The following DIAPH2 variants were observed in gnomAD, a reference collection of about 807,000 sequenced individuals.
DIAPH2 encodes protein diaphanous homolog 2.
A neutral mutation model predicts 92.7 loss-of-function variants in DIAPH2; 35 were observed. That is an observed-to-expected ratio of 0.38 (90% CI 0.29 to 0.50). The LOEUF is 0.50. Ranked by LOEUF, DIAPH2 falls within the 20% of genes least tolerant of loss-of-function variation. DIAPH2 has a pLI of 0.94. For missense variants in DIAPH2, 701 were observed against 819.5 expected, an observed-to-expected ratio of 0.86 and a Z score of 1.77; for synonymous variants, 301 against 280.4, an observed-to-expected ratio of 1.07 and a Z score of -0.73.
rs185258650 is a variant in DIAPH2 at position 97,207,141 on chromosome X, G to T, written c.2720-40574G>T. On this transcript the variant is annotated intron_variant, in intron 22 of 26. Coordinates refer to ENST00000324765, the MANE Select transcript of DIAPH2 (RefSeq NM_006729.5). ...TTGTCATGCTAACAGTATCTTTATT[G>T]TTGTTTTTGGCTAAATTAATAGCTA... 3.6e-5 allele frequency among the ~76,000 whole-genome samples: 4 copies of T among 111,177 alleles called. No homozygotes were observed. In the Admixed American group the frequency reaches 3.9e-4, roughly 11 times the overall value.
chrX:97,052,510 A>G (rs2066527294), intron 17 of DIAPH2, among the ~76,000 whole-genome samples: 1 of 110,828 alleles, frequency 9.0e-6, no homozygotes, highest in South Asian at 3.8e-4. Flanking sequence ...TTCAGACTTT[A>G]ATTGTTAAGA....
intron 24 of DIAPH2, among the ~76,000 whole-genome samples, chrX:97,350,655 C>G (rs1309298798): frequency 8.9e-6 from 1 of 112,152 alleles, no homozygotes; most frequent in Non-Finnish European, 1.9e-5. Context: ...TTGAGTAAGT[C>G]ATTTGTCCTT....
rs146946935 is a variant in DIAPH2 at position 97,354,894 on chromosome X, T to C, written c.3009+6614T>C. ...TGTCTCTCAGAACAAAGAGAAACTT[T>C]GGAAGCACCATATGAAAATTCAAAA... On this transcript the variant is annotated intron_variant, in intron 24 of 26. Transcript: ENST00000324765. 2.0e-4 allele frequency among the ~76,000 whole-genome samples: 22 copies of C among 112,327 alleles called. No individual in the cohort carries two copies. In the East Asian group the frequency reaches 5.9e-3, roughly 30 times the overall value.
chrX:97,159,320 G>A (rs2067347815), intron 22 of DIAPH2, among the ~76,000 whole-genome samples: 1 of 112,123 alleles, frequency 8.9e-6, no homozygotes, highest in Admixed American at 9.5e-5. Context: ...TACTTCTTAT[G>A]TTATGAAATA....
chrX:97,217,191 T>C (rs2067890293), intron 22 of DIAPH2, among the ~76,000 whole-genome samples: 1 of 111,851 alleles, frequency 8.9e-6, no homozygotes. Context: ...TGTGCCACTC[T>C]TGTGTTTATC....
intron 26 of DIAPH2, among the ~76,000 whole-genome samples, chrX:97,492,977 T>C (rs1459781892): frequency 8.9e-6 from 1 of 112,603 alleles, no homozygotes; most frequent in African/African-American, 3.2e-5. Flanking sequence ...TTATATAAGC[T>C]TTTTCCCCTG....
chrX:97,377,446 G>T (rs1163519532), intron 24 of DIAPH2, among the ~76,000 whole-genome samples: 3 of 111,862 alleles, frequency 2.7e-5, no homozygotes, highest in Non-Finnish European at 5.6e-5. Flanking sequence ...TATGGTGGCC[G>T]TTTCCTCACT....
intron 22 of DIAPH2, among the ~76,000 whole-genome samples, chrX:97,234,177 A>AT (rs1371870785): frequency 9.3e-6 from 1 of 107,487 alleles, no homozygotes; most frequent in Non-Finnish European, 1.9e-5. Context: ...TACAAAAAAA[A>AT]AAAATTAGCC....
intron 25 of DIAPH2, among the ~76,000 whole-genome samples, chrX:97,403,357 T>C (rs1602565134): frequency 8.9e-6 from 1 of 112,331 alleles, no homozygotes; most frequent in East Asian, 2.8e-4. Context: ...CCCATGAGAA[T>C]TTCTGTCAAG....
At chrX:97,465,313 A>G (rs1310700995) in intron 26 of DIAPH2, among the ~76,000 whole-genome samples, 1 of 110,753 alleles carries the variant, frequency 9.0e-6, no homozygotes, top group East Asian at 2.8e-4. Flanking sequence ...GTTTATCTAT[A>G]TTATACTGAA....
At chrX:97,472,030 C>A (rs1002973063) in intron 26 of DIAPH2, among the ~76,000 whole-genome samples, 1 of 112,164 alleles carries the variant, frequency 8.9e-6, no homozygotes, top group Non-Finnish European at 1.9e-5. Context: ...TGATTTCCTT[C>A]AGATTTTCTT....
chrX:97,503,135 A>T (rs1051961615), intron 26 of DIAPH2, among the ~76,000 whole-genome samples: 1 of 112,238 alleles, frequency 8.9e-6, no homozygotes, highest in Admixed American at 9.5e-5. Context: ...TGGAAGCACA[A>T]AGTAGAAGTA....
Position 97,140,536 on chromosome X carries a change from A to G in DIAPH2, c.2590-1129A>G, listed in dbSNP as rs200526369. ...AGAAATCATTGTGACCTCTTGAACT[A>G]TCAACATTATGCCTCCTGTGGCTGT... On this transcript the variant is annotated intron_variant, in intron 21 of 26. Transcript: ENST00000324765. Among the ~76,000 whole-genome samples, 3 of 112,214 alleles carry G rather than the reference A, an allele frequency of 2.7e-5. No individual in the cohort carries two copies. The East Asian group carries it at 8.4e-4, about 31-fold the overall frequency.
intron 23 of DIAPH2, among the ~76,000 whole-genome samples, chrX:97,326,472 C>T (rs939572545): frequency 3.6e-5 from 4 of 111,838 alleles, no homozygotes; most frequent in African/African-American, 1.3e-4. Flanking sequence ...ACCCACCTGC[C>T]CGGGACTTGG....
intron 12 of DIAPH2, among the ~76,000 whole-genome samples, chrX:96,939,584 ATGTGTG>A (rs200977682): frequency 4.0e-4 from 26 of 64,299 alleles, no homozygotes; most frequent in African/African-American, 1.3e-3. Flanking sequence ...GTGTGTGTAT[ATGTGTG>A]TGTGTGTATA....
intron 24 of DIAPH2, among the ~76,000 whole-genome samples, chrX:97,378,924 T>C (rs899236034): frequency 9.0e-6 from 1 of 111,642 alleles, no homozygotes; most frequent in African/African-American, 3.3e-5. Context: ...ACAGTATTCC[T>C]CTGGCACCAG....
intron 17 of DIAPH2, among the ~76,000 whole-genome samples, chrX:96,994,900 G>A (rs1006230410): frequency 9.0e-6 from 1 of 111,227 alleles, no homozygotes; most frequent in Non-Finnish European, 1.9e-5. Flanking sequence ...TGGGGATTAT[G>A]GGGATTACAA....
intron 21 of DIAPH2, among the ~76,000 whole-genome samples, chrX:97,117,325 G>A (rs2067023593): frequency 8.9e-6 from 1 of 112,001 alleles, no homozygotes; most frequent in African/African-American, 3.2e-5. Flanking sequence ...GCTTAGTTCT[G>A]TATTATGTTT....
chrX:97,478,217 A>T (rs773591560), intron 26 of DIAPH2, among the ~76,000 whole-genome samples: 5 of 112,094 alleles, frequency 4.5e-5, no homozygotes, highest in Non-Finnish European at 9.4e-5. Flanking sequence ...AACACATTCA[A>T]TTTGTAATTC....
Sources: gnomAD v4.1 joint callset for allele counts (sites outside exome capture counted in the v4.1 genomes callset) on GRCh38, gnomAD v4.1.1 for gene constraint, MANE v1.5 for transcripts, NCBI Gene and HGNC (gene_info 2026-07-23, HGNC 2026-07-21) for gene names.